The following FKBP10 variants were observed in gnomAD, a reference collection of about 807,000 sequenced individuals.
FKBP10 encodes the protein FKBP prolyl isomerase 10.
Under a neutral mutation model 53.7 loss-of-function variants are expected in FKBP10, and 34 were observed. The observed-to-expected ratio is 0.63, with a 90% CI of 0.48 to 0.84. The LOEUF (loss-of-function observed/expected upper bound fraction) is 0.84. Ranked by LOEUF, FKBP10 falls within the 40% of genes least tolerant of loss-of-function variation. The pLI is 0.00. For missense variants in FKBP10, 748 were observed against 797.8 expected, an observed-to-expected ratio of 0.94 and a Z score of 0.75; for synonymous variants, 324 against 335.7, an observed-to-expected ratio of 0.97 and a Z score of 0.38.
chr17:41,816,469 G>A (rs2047817713), intron 1 of FKBP10, among the ~76,000 whole-genome samples: 1 of 151,944 alleles, frequency 6.6e-6, no homozygotes, highest in Non-Finnish European at 1.5e-5. Context: ...TTTTCAAAAT[G>A]TGAAACCAGC....
Position 41,814,466 on chromosome 17 carries a change from C to T in FKBP10, c.245+1187C>T, listed in dbSNP as rs1327102129. Among the ~76,000 whole-genome samples, 3 of 152,226 alleles carry T rather than the reference C, an allele frequency of 2.0e-5. No homozygotes were observed. In the East Asian group the frequency reaches 5.8e-4, roughly 29 times the overall value. ...CCTGGCAGTCCTCCAGCCAGTTCAG[C>T]ACACATTAACATTGACCCTGAGGAA... On this transcript the variant is annotated intron_variant, in intron 1 of 9. Coordinates refer to ENST00000321562, the MANE Select transcript of FKBP10 (RefSeq NM_021939.4).
chr17:41,820,794 C>A, intron 7 of FKBP10, 153 bp from the exon 8 acceptor site: 2 of 1,104,962 alleles, frequency 1.8e-6, no homozygotes, highest in Non-Finnish European at 1.3e-6. Context: ...CACGTCTGCA[C>A]AGCTGGGCCC....
Position 41,817,085 on chromosome 17 carries a change from C to G in FKBP10, c.273C>G (p.Ile91Met). ...SSYDRNTLVA[I>M]VVGVGRLITG... ...ATGATCGCAACACCTTGGTGGCCATCGTGGTGGGTGTGGGGCGCCTCATCA... is the reference window on the plus strand; with the variant it reads ...ATGATCGCAACACCTTGGTGGCCATGGTGGTGGGTGTGGGGCGCCTCATCA... The change falls in exon 2 of 10, where the codon ATC (isoleucine) becomes ATG (methionine). Residue 91 changes from isoleucine (I) to methionine (M), a missense_variant. Ile to Met is a conservative substitution (Grantham distance 10). Transcript: ENST00000321562. 1 of 1,614,062 alleles carries G rather than the reference C, an allele frequency of 6.2e-7. No individual in the cohort carries two copies. The highest frequency in any genetic ancestry group is 8.5e-7 in the Non-Finnish European group (1 of 1,180,032).
At chr17:41,813,487 C>A (rs1175655644) in intron 1 of FKBP10, among the ~76,000 whole-genome samples, 1 of 152,192 alleles carries the variant, frequency 6.6e-6, no homozygotes, top group Non-Finnish European at 1.5e-5. Context: ...TTCTTTCTCA[C>A]AAGCTCTCCA....
chr17:41,820,217 G>T (rs1291100663), intron 6 of FKBP10, 52 bp from the exon 7 acceptor site: 2 of 1,595,268 alleles, frequency 1.3e-6, no homozygotes, highest in East Asian at 2.2e-5. Flanking sequence ...GAGACCTCAA[G>T]TAGCCTCTCC....
At position 41,821,040 on chromosome 17, in the gene FKBP10, G is replaced by C. The variant is rs376890516; in HGVS notation, c.1350G>C (p.Glu450Asp). The C allele has an allele frequency of 2.5e-6, 4 of 1,596,260 alleles. No homozygotes were observed. In the African/African-American group the frequency reaches 4.0e-5, roughly 16 times the overall value. Residue 450 changes from glutamate to aspartate, a missense_variant, in exon 8 of 10, where the codon GAG becomes GAC. Transcript: ENST00000321562. ...GCCTGCAGGGCATGTGTGTGGGAGA[G>C]AGGCGGCAGCTCATCGTGCCCCCGC... ...DTGLQGMCVG[E>D]RRQLIVPPHL...
Position 41,818,237 on chromosome 17 carries a change from C to T in FKBP10, c.540C>T (p.His180=), listed in dbSNP as rs782139957. The part of the protein sequence containing the change: ...MVQDGDFVRY[H]YNGTLLDGTS... ...AGGACGGCGACTTTGTCCGCTACCACTACAATGGCACCCTGCTGGACGGCA... is the reference window on the plus strand; with the variant it reads ...AGGACGGCGACTTTGTCCGCTACCATTACAATGGCACCCTGCTGGACGGCA... The change falls in exon 3 of 10, where the codon CAC becomes CAT. Residue 180 remains histidine (H), a synonymous_variant. Coordinates refer to ENST00000321562, the MANE Select transcript of FKBP10 (RefSeq NM_021939.4). 1.2e-6 allele frequency: 2 copies of T among 1,613,628 alleles called. No individual in the cohort carries two copies. Among genetic ancestry groups the T allele is most frequent in the Non-Finnish European group, 8.5e-7 (1 of 1,180,022 alleles).
In FKBP10 at chr17:41,819,247, C is replaced by G. The variant is rs782139694; in HGVS notation, c.765C>G (p.His255Gln). 1 of 1,614,058 alleles carries G rather than the reference C, an allele frequency of 6.2e-7. No homozygotes were observed. Among genetic ancestry groups the G allele is most frequent in the Admixed American group, 1.7e-5 (1 of 60,006 alleles). The part of the protein sequence containing the change: ...VIPPQASLVF[H>Q]VLLIDVHNPK... ...CCCCACAGGCCTCGCTGGTCTTTCA[C>G]GTCCTCCTGATTGACGTGCACAACC... The change falls in exon 5 of 10, where the codon CAC becomes CAG. Residue 255 changes from histidine to glutamine, a missense_variant. Transcript: ENST00000321562.
rs2047907151 is a variant in FKBP10 at position 41,822,602 on chromosome 17, G to A, written c.*194G>A. 6.1e-6 allele frequency: 4 copies of A among 657,160 alleles called. No individual in the cohort carries two copies. Among genetic ancestry groups the A allele is most frequent in the Non-Finnish European group, 7.9e-6 (3 of 380,270 alleles). 40.7% of individuals were successfully genotyped at this position (657,160 alleles called of 1,614,324 possible). A position where few individuals can be genotyped will look rare whatever the true frequency, so the allele number is the denominator to read the frequency against. On this transcript the variant is annotated 3_prime_UTR_variant, in exon 10 of 10. Transcript: ENST00000321562. The stretch of plus-strand genomic sequence containing the variant: ...AAAATCCACAGCACAGACCTCTACC[G>A]TGTTTCTCTTCCATCCCTAAACCAC...
intron 1 of FKBP10, among the ~76,000 whole-genome samples, chr17:41,815,078 C>T (rs1283607700): frequency 5.3e-5 from 8 of 151,890 alleles, no homozygotes; most frequent in East Asian, 1.9e-4. Flanking sequence ...CCACCACACC[C>T]GGCTAATTTT....
rs2047796440 is a variant in FKBP10 at position 41,814,988 on chromosome 17, T to C, written c.245+1709T>C. Among the ~76,000 whole-genome samples, 4 of 152,202 alleles carry C rather than the reference T, an allele frequency of 2.6e-5. No homozygotes were observed. The South Asian group carries it at 8.3e-4, about 31-fold the overall frequency. On this transcript the variant is annotated intron_variant, in intron 1 of 9. Coordinates refer to ENST00000321562, the MANE Select transcript of FKBP10 (RefSeq NM_021939.4). The stretch of plus-strand genomic sequence containing the variant: ...GTGCAATGGAGCAATCTCAACTCAC[T>C]GCAACCTCCGCCTCTGCCTCCCAGG...
chr17:41,821,547 G>A, intron 8 of FKBP10, 107 bp from the exon 9 acceptor site: 1 of 1,407,548 alleles, frequency 7.1e-7, no homozygotes, highest in South Asian at 1.3e-5. Flanking sequence ...CCACTCTCCA[G>A]CCCAGCCCCA....
chr17:41,813,284 C>G lies in FKBP10; in HGVS notation c.245+5C>G, dbSNP rs368052431. 6.2e-7 allele frequency: 1 copy of G among 1,613,536 alleles called. No individual in the cohort carries two copies. The highest frequency in any genetic ancestry group is 1.3e-5 in the African/African-American group (1 of 75,010). ...TGGCAAGAAGTTTGATTCAAGGTAACCCCGGTTGGGCGCCCCCGGATTCAC... is the reference window on the plus strand; with the variant it reads ...TGGCAAGAAGTTTGATTCAAGGTAAGCCCGGTTGGGCGCCCCCGGATTCAC... On this transcript the variant is annotated splice_donor_5th_base_variant and intron_variant, in intron 1 of 9. Coordinates refer to ENST00000321562, the MANE Select transcript of FKBP10 (RefSeq NM_021939.4).
Position 41,820,255 on chromosome 17 carries a change from C to T in FKBP10, c.1064-14C>T, listed in dbSNP as rs782773984. 2 of 1,613,886 alleles carry T rather than the reference C, an allele frequency of 1.2e-6. No individual in the cohort carries two copies. The highest frequency in any genetic ancestry group is 1.3e-5 in the African/African-American group (1 of 74,928). ...GTGCTCTGAGCTGACCACACTCCCC[C>T]ATTCTGGCCTCAGGAGACAAGATCC... On this transcript the variant is annotated splice_polypyrimidine_tract_variant and intron_variant, in intron 6 of 9. Coordinates refer to ENST00000321562, the MANE Select transcript of FKBP10 (RefSeq NM_021939.4).
intron 2 of FKBP10, 150 bp downstream of exon 2, chr17:41,817,353 G>T: frequency 9.0e-7 from 1 of 1,116,120 alleles, no homozygotes. Context: ...AGCTCTGGCT[G>T]GGGCAGTAGC....
At chr17:41,818,955 CAA>C (rs11431436) in intron 4 of FKBP10, 10,276 of 259,314 alleles carry the variant, frequency 0.04, no homozygotes, top group South Asian at 0.054. Flanking sequence ...GACTCTGTCT[CAA>C]AAAAAAAAAA....
chr17:41,819,668 T>A lies in FKBP10; in HGVS notation c.1056T>A (p.Asn352Lys), dbSNP rs2047865448. The stretch of plus-strand genomic sequence containing the variant: ...CCCCGCACCTCGCCTATGGGGAGAA[T>A]GGAACTGGTAGGGGCGTTCCCCAGC... The part of the protein sequence containing the change: ...TIPPHLAYGE[N>K]GTGDKIPGSA... Residue 352 changes from asparagine to lysine, a missense_variant, in exon 6 of 10, where the codon AAT (asparagine) becomes AAA (lysine). Asn to Lys is a moderately conservative substitution (Grantham distance 94, BLOSUM62 0). Coordinates refer to ENST00000321562, the MANE Select transcript of FKBP10 (RefSeq NM_021939.4). 1 of 1,603,982 alleles carries A rather than the reference T, an allele frequency of 6.2e-7. No homozygotes were observed. Among genetic ancestry groups the A allele is most frequent in the Non-Finnish European group, 8.5e-7 (1 of 1,175,558 alleles).
chr17:41,819,115 A>G, intron 4 of FKBP10, 95 bp from the exon 5 acceptor site: 1 of 1,230,784 alleles, frequency 8.1e-7, no homozygotes. Flanking sequence ...GAGTGGGGCT[A>G]GTGTCTTGCA....
chr17:41,819,925 G>T, intron 6 of FKBP10: 1 of 1,538,652 alleles, frequency 6.5e-7, no homozygotes, highest in South Asian at 1.2e-5. Context: ...AGGGAGGGTG[G>T]TTATGGAAAA....
Sources: allele counts gnomAD v4.1 joint callset (sites outside exome capture counted in the v4.1 genomes callset), GRCh38; gene constraint gnomAD v4.1.1; transcripts MANE v1.5; gene names NCBI Gene and HGNC (gene_info 2026-07-23, HGNC 2026-07-21).